The following PTPRR variants were observed in gnomAD, a reference collection of about 807,000 sequenced individuals.
The protein encoded by PTPRR is receptor-type tyrosine-protein phosphatase R.
PTPRR carries 38 observed loss-of-function variants against 77.2 expected under a neutral mutation model. The observed-to-expected ratio is 0.49, with a 90% confidence interval of 0.38 to 0.65. The LOEUF is 0.65. Ranked by LOEUF, PTPRR falls within the 30% of genes least tolerant of loss-of-function variation. The pLI, the probability that PTPRR is intolerant of heterozygous loss-of-function variation, is 0.00. For missense variants in PTPRR, 744 were observed against 799.2 expected (o/e 0.93, Z 0.83); for synonymous variants, 299 against 283.1 (o/e 1.06, Z -0.57).
intron 2 of PTPRR, among the ~76,000 whole-genome samples, chr12:70,792,124 A>G (rs544931621): frequency 6.6e-6 from 1 of 152,274 alleles, no homozygotes; most frequent in South Asian, 2.1e-4. Context: ...TTAACCTCTC[A>G]CAAGGTCAGT....
chr12:70,868,384 A>T (rs1465108892), intron 2 of PTPRR, among the ~76,000 whole-genome samples: 3 of 152,008 alleles, frequency 2.0e-5, no homozygotes, highest in Non-Finnish European at 4.4e-5. Flanking sequence ...AAGGATATGA[A>T]CAGACACTTC....
At chr12:70,672,271 C>T (rs1887258540) in intron 10 of PTPRR, 1 of 1,593,992 alleles carries the variant, frequency 6.3e-7, no homozygotes, top group East Asian at 2.2e-5. Context: ...ATGTGGACCA[C>T]TGCAAAGAAC....
chr12:70,873,781 G>A (rs983597834), intron 2 of PTPRR, among the ~76,000 whole-genome samples: 1 of 152,024 alleles, frequency 6.6e-6, no homozygotes, highest in South Asian at 2.1e-4. Flanking sequence ...GGAGTGGTGG[G>A]GGGTGGGTAA....
intron 6 of PTPRR, among the ~76,000 whole-genome samples, chr12:70,734,397 C>G (rs1199245634): frequency 6.6e-6 from 1 of 152,094 alleles, no homozygotes; most frequent in Admixed American, 6.5e-5. Flanking sequence ...AAAGAGTTCC[C>G]AGGGTAGTTA....
At chr12:70,860,335 G>A (rs1892730624) in intron 2 of PTPRR, among the ~76,000 whole-genome samples, 1 of 152,016 alleles carries the variant, frequency 6.6e-6, no homozygotes, top group Non-Finnish European at 1.5e-5. Context: ...ATGAAATTCT[G>A]TGTGACATTA....
intron 7 of PTPRR, among the ~76,000 whole-genome samples, chr12:70,700,550 T>C (rs886604742): frequency 1.3e-5 from 2 of 152,180 alleles, no homozygotes; most frequent in Non-Finnish European, 2.9e-5. Flanking sequence ...TTTGGCTGCC[T>C]CATTCAATTA....
Position 70,726,203 on chromosome 12 carries a change from A to G in PTPRR, c.1007+19615T>C, listed in dbSNP as rs144239081. Among the ~76,000 whole-genome samples the G allele has an allele frequency of 9.5e-3, 1,440 of 152,170 alleles. 18 individuals are homozygous for G. The highest frequency in any genetic ancestry group is 0.033 in the African/African-American group (1,352 of 41,490). ...TTAGTCAACTTAATTCAAGAAAATT[A>G]TACAAAAAATCTAATTTAATGCAAC... On this transcript the variant is annotated intron_variant, in intron 6 of 13. Transcript: ENST00000283228.
intron 2 of PTPRR, among the ~76,000 whole-genome samples, chr12:70,833,022 A>G (rs955106610): frequency 1.3e-5 from 2 of 152,056 alleles, no homozygotes; most frequent in Non-Finnish European, 2.9e-5. Flanking sequence ...CAGAGCAAGA[A>G]CTCATTACCA....
intron 3 of PTPRR, among the ~76,000 whole-genome samples, chr12:70,763,346 TG>T (rs1430589211): frequency 1.3e-5 from 2 of 152,136 alleles, no homozygotes; most frequent in Non-Finnish European, 2.9e-5. Flanking sequence ...TTGGCCAGGC[TG>T]GTCTCAAACT....
At chr12:70,915,876 G>C (rs922740314) in intron 1 of PTPRR, among the ~76,000 whole-genome samples, 1 of 152,108 alleles carries the variant, frequency 6.6e-6, no homozygotes, top group African/African-American at 2.4e-5. Flanking sequence ...AAATATCACT[G>C]TATTACATTA....
At chr12:70,894,076 G>A (rs1046811320) in intron 1 of PTPRR, among the ~76,000 whole-genome samples, 5 of 151,746 alleles carry the variant, frequency 3.3e-5, no homozygotes, top group African/African-American at 1.2e-4. Context: ...CATGAGATCT[G>A]TTTTATAACA....
At chr12:70,769,363 A>G (rs1460126832) in intron 2 of PTPRR, among the ~76,000 whole-genome samples, 1 of 151,898 alleles carries the variant, frequency 6.6e-6, no homozygotes, top group East Asian at 1.9e-4. Context: ...TTATACACCA[A>G]TAACAGACAA....
rs554964036 is a variant in PTPRR, at chr12:70,853,617, G to A, written c.357+39062C>T. Among the ~76,000 whole-genome samples the A allele has an allele frequency of 2.4e-4, 36 of 152,222 alleles. 1 individual carries two copies. Among genetic ancestry groups the A allele is most frequent in the African/African-American group, 7.5e-4 (31 of 41,550 alleles). On this transcript the variant is annotated intron_variant, in intron 2 of 13. Transcript: ENST00000283228. ...CTTGATATGTAACATTGGCCTGACCGCAAATATGCTTTTGCTTCTTGTACC... is the reference window on the plus strand; with the variant it reads ...CTTGATATGTAACATTGGCCTGACCACAAATATGCTTTTGCTTCTTGTACC...
intron 2 of PTPRR, among the ~76,000 whole-genome samples, chr12:70,860,249 T>G (rs1263800072): frequency 6.6e-6 from 1 of 152,146 alleles, no homozygotes; most frequent in Non-Finnish European, 1.5e-5. Context: ...ATACATCTTG[T>G]GTAAAATATA....
intron 1 of PTPRR, among the ~76,000 whole-genome samples, chr12:70,897,806 C>T (rs1893457931): frequency 6.6e-6 from 1 of 151,848 alleles, no homozygotes. Context: ...ACATGTACAC[C>T]ATGGAATACT....
intron 2 of PTPRR, among the ~76,000 whole-genome samples, chr12:70,810,586 T>A (rs940576725): frequency 6.6e-6 from 1 of 152,186 alleles, no homozygotes; most frequent in Non-Finnish European, 1.5e-5. Context: ...GTTACTGTTA[T>A]GTATAATAAA....
At position 70,662,335 on chromosome 12, in the gene PTPRR, A is replaced by G. The variant is rs141216919; in HGVS notation, c.1608+160T>C. Among the ~76,000 whole-genome samples, 6 of 152,328 alleles carry G rather than the reference A, an allele frequency of 3.9e-5. No individual in the cohort carries two copies. The East Asian group carries it at 1.2e-3, about 29-fold the overall frequency. ...TTATACTGCATATTAATAGTAGTTG[A>G]CAACAAAAAATACATGAGGGAATGA... On this transcript the variant is annotated intron_variant, in intron 11 of 13. Transcript: ENST00000283228.
At chr12:70,745,723 CAATTA>C (rs1890190294) in intron 6 of PTPRR, 90 bp downstream of exon 6, 4 of 1,387,108 alleles carry the variant, frequency 2.9e-6, no homozygotes, top group Non-Finnish European at 3.9e-6. Flanking sequence ...CAATTCTACC[CAATTA>C]TGTCAATCAT....
chr12:70,887,971 T>G (rs1476631378), intron 2 of PTPRR, among the ~76,000 whole-genome samples: 1 of 151,880 alleles, frequency 6.6e-6, no homozygotes, highest in Non-Finnish European at 1.5e-5. Flanking sequence ...GGGAAAATGT[T>G]TGAATTTTAG....
Sources: gnomAD v4.1 joint callset for allele counts (sites outside exome capture counted in the v4.1 genomes callset) on GRCh38, gnomAD v4.1.1 for gene constraint, MANE v1.5 for transcripts, NCBI Gene and HGNC (gene_info 2026-07-23, HGNC 2026-07-21) for gene names.